MITF: variants seen among roughly 807,000 people sequenced by gnomAD.
MITF encodes microphthalmia-associated transcription factor.
In MITF, 17 loss-of-function variants were observed where a neutral mutation model predicts 60.5. The ratio of observed to expected loss-of-function variants is 0.28; its 90% CI spans 0.19 to 0.42. MITF has a LOEUF of 0.42. MITF is among the 10% of genes least tolerant of loss of function. MITF has a pLI of 1.00. For synonymous variants in MITF, 260 were observed against 248.5 expected, an observed-to-expected ratio of 1.05 and a Z score of -0.43; for missense variants, 622 against 683.5, an observed-to-expected ratio of 0.91 and a Z score of 1.00.
At chr3:69,883,649 T>G (rs944914877) in intron 2 of MITF, among the ~76,000 whole-genome samples, 2 of 152,148 alleles carry the variant, frequency 1.3e-5, no homozygotes, top group Non-Finnish European at 2.9e-5. Context: ...TCTGGTTTAT[T>G]TAGCCAGGAA....
At chr3:69,905,681 G>A (rs1446883004) in intron 2 of MITF, among the ~76,000 whole-genome samples, 1 of 151,818 alleles carries the variant, frequency 6.6e-6, no homozygotes, top group Non-Finnish European at 1.5e-5. Context: ...TTAGCTTTAT[G>A]TACTGATGGG....
chr3:69,900,948 A>G (rs926191128), intron 2 of MITF, among the ~76,000 whole-genome samples: 7 of 152,152 alleles, frequency 4.6e-5, no homozygotes, highest in South Asian at 4.1e-4. Context: ...CACCTTGAGC[A>G]CCAGAAGCTG....
intron 1 of MITF, among the ~76,000 whole-genome samples, chr3:69,852,031 C>A (rs895542094): frequency 6.6e-6 from 1 of 151,902 alleles, no homozygotes; most frequent in African/African-American, 2.4e-5. Context: ...CAAACATATA[C>A]AAACAATTTT....
At chr3:69,963,187 C>T (rs1029389606) in intron 9 of MITF, among the ~76,000 whole-genome samples, 3 of 151,992 alleles carry the variant, frequency 2.0e-5, no homozygotes, top group African/African-American at 7.3e-5. Flanking sequence ...TTCCAGGACA[C>T]AATTTAGCCA....
chr3:69,913,163 C>A (rs1350803276), intron 2 of MITF, among the ~76,000 whole-genome samples: 1 of 151,798 alleles, frequency 6.6e-6, no homozygotes, highest in Admixed American at 6.6e-5. Context: ...TTATTTAATT[C>A]TATTTGAATT....
intron 1 of MITF, chr3:69,763,711 C>G: frequency 7.5e-7 from 1 of 1,324,986 alleles, no homozygotes; most frequent in Non-Finnish European, 9.8e-7. Context: ...TTTCAGCTCT[C>G]TTCTGTAGCT....
intron 1 of MITF, among the ~76,000 whole-genome samples, chr3:69,757,996 C>CGTGT (rs1559612315): frequency 1.0e-5 from 1 of 96,448 alleles, no homozygotes; most frequent in Non-Finnish European, 2.1e-5. Flanking sequence ...TACCCTAGGG[C>CGTGT]ATGTGTGTGT....
At chr3:69,932,606 C>T (rs1398517077) in intron 2 of MITF, among the ~76,000 whole-genome samples, 2 of 152,098 alleles carry the variant, frequency 1.3e-5, no homozygotes, top group Non-Finnish European at 2.9e-5. Flanking sequence ...AGGATTCATA[C>T]CCTTGTTGTT....
At chr3:69,866,297 G>T in intron 1 of MITF, 1 of 1,613,720 alleles carries the variant, frequency 6.2e-7, no homozygotes, top group African/African-American at 1.3e-5. Flanking sequence ...AAAGATGGAG[G>T]CGCTTAGAGT....
intron 1 of MITF, among the ~76,000 whole-genome samples, chr3:69,874,759 G>A (rs1247800646): frequency 1.6e-4 from 25 of 152,208 alleles, no homozygotes; most frequent in Admixed American, 1.4e-3. Flanking sequence ...CTGGCATCAT[G>A]TCAAAGGTGA....
At chr3:69,766,145 G>C (rs945488223) in intron 1 of MITF, among the ~76,000 whole-genome samples, 1 of 151,958 alleles carries the variant, frequency 6.6e-6, no homozygotes, top group Non-Finnish European at 1.5e-5. Flanking sequence ...AATTTAACTG[G>C]AGTATGCATT....
At chr3:69,902,681 C>CA (rs548204257) in intron 2 of MITF, among the ~76,000 whole-genome samples, 87 of 152,232 alleles carry the variant, frequency 5.7e-4, no homozygotes, top group African/African-American at 2.0e-3. Flanking sequence ...ACAAAAAATA[C>CA]TACTTTTAAT....
At position 69,837,664 on chromosome 3, in the gene MITF, C is replaced by T. The variant is rs144686435; in HGVS notation, c.105-41470C>T. ...CTGAAATCCAAAATTCTCTGAATGT[C>T]GAAGGATTTTTTTTGTCTGATACCT... is the stretch of plus-strand genomic sequence containing the variant. On this transcript the variant is annotated intron_variant, in intron 1 of 9. Transcript: ENST00000352241. Among the ~76,000 whole-genome samples the T allele has an allele frequency of 2.4e-3, 369 of 152,200 alleles. 1 individual carries two copies. Among genetic ancestry groups the T allele is most frequent in the Middle Eastern group, 0.014 (4 of 294 alleles).
At chr3:69,921,744 A>G (rs528287273) in intron 2 of MITF, among the ~76,000 whole-genome samples, 4 of 152,274 alleles carry the variant, frequency 2.6e-5, no homozygotes, top group Admixed American at 2.0e-4. Flanking sequence ...CTGGGGCTTG[A>G]CTAGTTTCTG....
intron 9 of MITF, among the ~76,000 whole-genome samples, chr3:69,962,949 GC>G (rs1262508241): frequency 6.6e-6 from 1 of 152,148 alleles, no homozygotes; most frequent in Non-Finnish European, 1.5e-5. Flanking sequence ...CCCTTCTGAG[GC>G]CTCTCTCCTT....
intron 1 of MITF, among the ~76,000 whole-genome samples, chr3:69,815,017 G>T (rs978950201): frequency 4.6e-5 from 7 of 152,136 alleles, no homozygotes; most frequent in Admixed American, 3.9e-4. Context: ...AACTGGTACA[G>T]GATGGCTCGG....
chr3:69,850,327 C>G (rs1269678706), intron 1 of MITF, among the ~76,000 whole-genome samples: 2 of 152,138 alleles, frequency 1.3e-5, no homozygotes, highest in Non-Finnish European at 2.9e-5. Flanking sequence ...TCTTTGCAAA[C>G]CGTTTGGCAA....
At chr3:69,783,812 G>T (rs2062605857) in intron 1 of MITF, among the ~76,000 whole-genome samples, 4 of 152,130 alleles carry the variant, frequency 2.6e-5, no homozygotes, top group Non-Finnish European at 5.9e-5. Flanking sequence ...GAATTCCTGG[G>T]TCTTTGGACT....
chr3:69,915,321 A>G (rs983019979), intron 2 of MITF, among the ~76,000 whole-genome samples: 1 of 152,058 alleles, frequency 6.6e-6, no homozygotes, highest in African/African-American at 2.4e-5. Flanking sequence ...TCTGTATTAT[A>G]AAATTATTTT....
Sources: allele counts gnomAD v4.1 joint callset (sites outside exome capture counted in the v4.1 genomes callset), GRCh38; gene constraint gnomAD v4.1.1; transcripts MANE v1.5; gene names NCBI Gene and HGNC (gene_info 2026-07-23, HGNC 2026-07-21).